PRKRA: variants seen among roughly 807,000 people sequenced by gnomAD.
PRKRA encodes the protein protein activator of interferon induced protein kinase EIF2AK2, also known as interferon-inducible double-stranded RNA-dependent protein kinase activator A.
PRKRA carries 22 observed loss-of-function variants against 32.4 expected under a neutral mutation model. That is an observed-to-expected ratio of 0.68 (90% CI 0.49 to 0.97). PRKRA has a LOEUF of 0.97. Among genes scored for constraint, PRKRA ranks in the 50% least tolerant of loss-of-function variants. PRKRA has a pLI of 0.00. For missense variants in PRKRA, 319 were observed against 375.6 expected (o/e 0.85, Z 1.25); for synonymous variants, 139 against 129.8 (o/e 1.07, Z -0.48).
chr2:178,446,756 G>C (rs959512924), intron 3 of PRKRA, among the ~76,000 whole-genome samples: 6 of 152,116 alleles, frequency 3.9e-5, no homozygotes, highest in African/African-American at 1.4e-4. Flanking sequence ...CACTTTGGGA[G>C]GCCGAGGCTG....
intron 4 of PRKRA, 142 bp downstream of exon 4, chr2:178,444,280 C>T: frequency 1.4e-6 from 1 of 707,552 alleles, no homozygotes; most frequent in Admixed American, 2.7e-5. Flanking sequence ...TTCAAGTTAG[C>T]TCTGTTAATC....
intron 2 of PRKRA, 49 bp downstream of exon 2, chr2:178,450,193 T>C (rs761948661): frequency 1.5e-6 from 2 of 1,304,992 alleles, no homozygotes; most frequent in African/African-American, 1.7e-5. Flanking sequence ...CAACACCAAG[T>C]ATTGACTGCC....
Position 178,441,612 on chromosome 2 carries a change from A to T in PRKRA, c.607T>A (p.Leu203Ile). 1.3e-6 allele frequency: 2 copies of T among 1,585,950 alleles called. No homozygotes were observed. The highest frequency in any genetic ancestry group is 1.7e-6 in the Non-Finnish European group (2 of 1,154,844). ...SNISPENHISLTNVVGHSLGC... is the reference protein window; with the variant it reads ...SNISPENHISITNVVGHSLGC... The stretch of plus-strand genomic sequence containing the variant: ...TCATAGCTGTCAACATTACTCACTA[A>T]AGAAATGTGGTTCTCTGGAGAAATA... Residue 203 changes from leucine to isoleucine, a missense_variant and splice_region_variant, in exon 6 of 8, where the codon TTA (leucine) becomes ATA (isoleucine). Leu to Ile is a conservative substitution (Grantham distance 5). Coordinates refer to ENST00000325748, the MANE Select transcript of PRKRA (RefSeq NM_003690.5).
At chr2:178,443,506 C>T in intron 4 of PRKRA, 122 bp from the exon 5 acceptor site, 2 of 668,228 alleles carry the variant, frequency 3.0e-6, no homozygotes, top group Non-Finnish European at 5.2e-6. Context: ...TATTCTGCAA[C>T]AGAAAAAAGA....
rs1441406055 is a variant in PRKRA at position 178,447,611 on chromosome 2, G to A, written c.236-25C>T. 7.4e-6 allele frequency: 6 copies of A among 811,954 alleles called. No homozygotes were observed. The South Asian group carries it at 1.0e-4, about 14-fold the overall frequency. 50.3% of individuals were successfully genotyped at this position (811,954 alleles called of 1,614,324 possible). ...CCTGAATTAAGATTTAAAAAAAGAA[G>A]TCTTTATCTCCCACAAAAATGTGCA... is the stretch of plus-strand genomic sequence containing the variant. On this transcript the variant is annotated intron_variant, in intron 2 of 7. Transcript: ENST00000325748.
rs754528047 is a variant in PRKRA at position 178,436,126 on chromosome 2, A to G, written c.784+19T>C. ...TAAATAAACATGTCTTGGGAAAGCC[A>G]AAGAAAAAAAAATCATACCTATATC... On this transcript the variant is annotated intron_variant, in intron 7 of 7. Transcript: ENST00000325748. 5.9e-5 allele frequency: 45 copies of G among 764,388 alleles called. No individual in the cohort carries two copies. Among genetic ancestry groups the G allele is most frequent in the Non-Finnish European group, 8.1e-5 (43 of 528,232 alleles). 47.4% of individuals were successfully genotyped at this position (764,388 alleles called of 1,614,324 possible).
At chr2:178,447,469 T>A (rs1449980976) in intron 3 of PRKRA, 36 bp downstream of exon 3, 1 of 1,433,398 alleles carries the variant, frequency 7.0e-7, no homozygotes, top group Non-Finnish European at 9.3e-7. Context: ...AGCCATGATA[T>A]TTTTGAGCTG....
intron 3 of PRKRA, chr2:178,445,956 T>C (rs1257454711): frequency 6.6e-6 from 1 of 152,366 alleles, no homozygotes; most frequent in Admixed American, 6.5e-5. Flanking sequence ...GGTCTCGAAC[T>C]CCTGACTCAA....
In PRKRA at chr2:178,444,501, C is replaced by CAAGTACTTGCA. The variant is rs756857968; in HGVS notation, c.318-2_318-1insTGCAAGTACTT. On this transcript the variant is annotated splice_acceptor_variant, in intron 3 of 7. Transcript: ENST00000325748. LOFTEE classifies it high-confidence loss of function. ...CATTAAGGGGTCAGGAACTGCAAAGCTAAATATTTTTTAAAAGTGTTATAA... is the reference window on the plus strand; with the variant it reads ...CATTAAGGGGTCAGGAACTGCAAAGCAAGTACTTGCATAAATATTTTTTAAAAGTGTTATAA... 4.6e-5 allele frequency: 73 copies of CAAGTACTTGCA among 1,578,564 alleles called. No individual in the cohort carries two copies. Among genetic ancestry groups the CAAGTACTTGCA allele is most frequent in the Non-Finnish European group, 5.7e-5 (65 of 1,147,810 alleles).
intron 2 of PRKRA, 135 bp downstream of exon 2, chr2:178,450,107 G>T: frequency 8.9e-7 from 1 of 1,119,560 alleles, no homozygotes; most frequent in Non-Finnish European, 1.4e-6. Flanking sequence ...CTAACGACCT[G>T]AGATGAGAGG....
intron 5 of PRKRA, 111 bp from the exon 6 acceptor site, chr2:178,441,815 T>G (rs748262358): frequency 1.5e-6 from 1 of 677,748 alleles, no homozygotes; most frequent in South Asian, 1.6e-5. Flanking sequence ...GTTTTTATTA[T>G]ATACTAGACT....
intron 6 of PRKRA, among the ~76,000 whole-genome samples, chr2:178,438,267 T>C (rs1448068027): frequency 6.6e-6 from 1 of 152,226 alleles, no homozygotes; most frequent in African/African-American, 2.4e-5. Context: ...AAATCTTTGA[T>C]CCATCTGAAA....
At chr2:178,432,335 A>C (rs1260222971) in intron 7 of PRKRA, 81 bp from the exon 8 acceptor site, 10 of 1,288,170 alleles carry the variant, frequency 7.8e-6, no homozygotes, top group Non-Finnish European at 1.0e-5. Context: ...TACAATTCTT[A>C]TTATTGTCTT....
chr2:178,450,609 G>A, intron 1 of PRKRA, 198 bp from the exon 2 acceptor site: 1 of 1,470,940 alleles, frequency 6.8e-7, no homozygotes, highest in Non-Finnish European at 8.9e-7. Flanking sequence ...AGCAGGCGGG[G>A]TGAGCGAGGT....
At chr2:178,436,604 T>G (rs1696907308) in intron 6 of PRKRA, among the ~76,000 whole-genome samples, 1 of 152,164 alleles carries the variant, frequency 6.6e-6, no homozygotes, top group Non-Finnish European at 1.5e-5. Flanking sequence ...ATGGTCACAT[T>G]AAGAGGTACA....
Position 178,451,009 on chromosome 2 carries a change from C to T in PRKRA, c.22G>A (p.Ala8Thr), listed in dbSNP as rs1412434009. The part of the protein sequence containing the change: MSQSRHR[A>T]EAPPLEREDS... ...TCGCGCTCCAGCGGCGGGGCCTCGG[C>T]GCGGTGCCTGCTCTGGGACATGGCG... The change falls in exon 1 of 8, where the codon GCC (alanine) becomes ACC (threonine). Residue 8 changes from alanine to threonine, a missense_variant. Physicochemically the swap from Ala to Thr is moderately conservative, Grantham distance 58. Coordinates refer to ENST00000325748, the MANE Select transcript of PRKRA (RefSeq NM_003690.5). The T allele has an allele frequency of 1.1e-5, 9 of 796,518 alleles. No homozygotes were observed. In the African/African-American group the frequency reaches 1.4e-4, roughly 12 times the overall value. The allele number at this position is 796,518 out of a possible 1,614,324, so 49.3% of individuals were successfully genotyped here.
At chr2:178,441,824 C>A (rs1231441425) in intron 5 of PRKRA, 120 bp from the exon 6 acceptor site, 1 of 745,040 alleles carries the variant, frequency 1.3e-6, no homozygotes, top group African/African-American at 1.8e-5. Context: ...ATATACTAGA[C>A]TATGTTCTTA....
intron 5 of PRKRA, among the ~76,000 whole-genome samples, chr2:178,442,261 CTATAATAATTGTATTTTCCT>C (rs1393243480): frequency 6.6e-6 from 1 of 152,110 alleles, no homozygotes; most frequent in Non-Finnish European, 1.5e-5. Flanking sequence ...TTCTGTTTTT[CTATAATAATTGTATTTTCCT>C]ATGTCTAGCA....
chr2:178,433,231 C>G (rs1402179282), intron 7 of PRKRA, among the ~76,000 whole-genome samples: 3 of 152,188 alleles, frequency 2.0e-5, no homozygotes, highest in Non-Finnish European at 4.4e-5. Flanking sequence ...ATTGGAAGGA[C>G]AGTCCACAAT....
Sources: gnomAD v4.1 joint callset for allele counts (sites outside exome capture counted in the v4.1 genomes callset) on GRCh38, gnomAD v4.1.1 for gene constraint, MANE v1.5 for transcripts, NCBI Gene and HGNC (gene_info 2026-07-23, HGNC 2026-07-21) for gene names.